Variants in FRRS1 observed in about 807,000 individuals in gnomAD.
FRRS1 encodes ferric chelate reductase 1, also known as ferric reductase 1.
In FRRS1, 51 loss-of-function variants were observed where a neutral mutation model predicts 70.7. The observed-to-expected ratio is 0.72, with a 90% CI of 0.58 to 0.91. The LOEUF (loss-of-function observed/expected upper bound fraction) is 0.91, where lower values mean the gene tolerates loss of function less well. Ranked by LOEUF, FRRS1 falls within the 40% of genes least tolerant of loss-of-function variation. The probability of loss-of-function intolerance (pLI) is 0.00; values close to 1 mark genes in which losing one functional copy is unlikely to be tolerated. For missense variants in FRRS1, 672 were observed against 726.0 expected (o/e 0.93, Z 0.86); for synonymous variants, 225 against 238.7 (o/e 0.94, Z 0.53).
chr1:99,741,485 C>T (rs189856827), intron 5 of FRRS1, among the ~76,000 whole-genome samples: 59 of 152,280 alleles, frequency 3.9e-4, no homozygotes, highest in African/African-American at 1.4e-3. Context: ...GCAATCCTTC[C>T]CTTAAAATAT....
intron 1 of FRRS1, among the ~76,000 whole-genome samples, chr1:99,758,627 A>G (rs2101001221): frequency 6.6e-6 from 1 of 152,174 alleles, no homozygotes; most frequent in East Asian, 1.9e-4. Flanking sequence ...TTTGAACAGT[A>G]TGAAATCAGT....
intron 3 of FRRS1, chr1:99,748,038 A>G (rs1186503876): frequency 6.5e-6 from 1 of 152,866 alleles, no homozygotes; most frequent in African/African-American, 2.4e-5. Flanking sequence ...GATATTTAAT[A>G]TCCTACTGTA....
At chr1:99,736,522 A>G (rs377638371) in intron 7 of FRRS1, among the ~76,000 whole-genome samples, 172 of 151,640 alleles carry the variant, frequency 1.1e-3, no homozygotes, top group African/African-American at 4.1e-3. Context: ...CGCAAGGACA[A>G]AAAACCAAAC....
At chr1:99,765,001 C>T (rs1372829342) in intron 1 of FRRS1, among the ~76,000 whole-genome samples, 1 of 152,192 alleles carries the variant, frequency 6.6e-6, no homozygotes, top group East Asian at 1.9e-4. Flanking sequence ...GTAAAGGTGT[C>T]CTACACATTG....
chr1:99,736,110 A>G (rs1343308456), intron 7 of FRRS1, among the ~76,000 whole-genome samples: 1 of 152,132 alleles, frequency 6.6e-6, no homozygotes, highest in Non-Finnish European at 1.5e-5. Context: ...CACTACCACC[A>G]CCTATCATTA....
rs1335081955 is a variant in FRRS1 at position 99,706,035 on chromosome 1, T to G, written c.*2993A>C. 6.6e-6 allele frequency among the ~76,000 whole-genome samples: 1 copy of G among 152,188 alleles called. No individual in the cohort carries two copies. The highest frequency in any genetic ancestry group is 1.5e-5 in the Non-Finnish European group (1 of 68,026). Reference sequence around the variant, plus strand: ...GAGTGAAGACTAGGCATTTGCAATTTGTGGATACCAACCACCCATAAGCAG... The same window carrying G: ...GAGTGAAGACTAGGCATTTGCAATTGGTGGATACCAACCACCCATAAGCAG... On this transcript the variant is annotated 3_prime_UTR_variant, in exon 17 of 17. Transcript: ENST00000646001.
chr1:99,730,646 T>A (rs901937248), intron 7 of FRRS1, among the ~76,000 whole-genome samples: 58 of 152,194 alleles, frequency 3.8e-4, no homozygotes, highest in African/African-American at 1.4e-3. Flanking sequence ...GGCGGGCAGA[T>A]CACGAGGTCA....
intron 11 of FRRS1, among the ~76,000 whole-genome samples, chr1:99,716,522 G>A (rs1489890415): frequency 3.3e-5 from 5 of 152,190 alleles, no homozygotes; most frequent in African/African-American, 1.2e-4. Flanking sequence ...CACAGGCAGA[G>A]AAAGAAAGGA....
chr1:99,724,893 T>G (rs1275246549), intron 9 of FRRS1, among the ~76,000 whole-genome samples: 1 of 151,956 alleles, frequency 6.6e-6, no homozygotes, highest in Non-Finnish European at 1.5e-5. Flanking sequence ...CTATTACACC[T>G]AATACATATT....
At position 99,758,610 on chromosome 1, in the gene FRRS1, A is replaced by G. The variant is rs1039499484; in HGVS notation, c.-106+7997T>C. On this transcript the variant is annotated intron_variant, in intron 1 of 16. Transcript: ENST00000646001. ...TAACTGTACAAATTGACTGTAAAACATGTGTGTTTGAACAGTATGAAATCA... is the reference window on the plus strand; with the variant it reads ...TAACTGTACAAATTGACTGTAAAACGTGTGTGTTTGAACAGTATGAAATCA... Among the ~76,000 whole-genome samples, 89 of 47,052 alleles carry G rather than the reference A, an allele frequency of 1.9e-3. No individual in the cohort carries two copies. In the African/African-American group the frequency reaches 0.068, roughly 36 times the overall value. The allele number at this position is 47,052 out of a possible 152,430, so 30.9% of individuals were successfully genotyped here. A position where few individuals can be genotyped will look rare whatever the true frequency, so the allele number is the denominator to read the frequency against.
chr1:99,728,754 C>T, intron 8 of FRRS1, 114 bp from the exon 9 acceptor site: 1 of 723,684 alleles, frequency 1.4e-6, no homozygotes, highest in Non-Finnish European at 2.2e-6. Flanking sequence ...TATGTCCATG[C>T]TTTGTCTGCA....
intron 4 of FRRS1, among the ~76,000 whole-genome samples, chr1:99,742,808 T>C (rs11166320): frequency 0.49 from 75,209 of 152,058 alleles, 22,623 homozygotes; most frequent in African/African-American, 0.85. Context: ...TGTGTGGCTC[T>C]CTCTGCTATG....
At chr1:99,752,013 C>G (rs1008871519) in intron 1 of FRRS1, among the ~76,000 whole-genome samples, 2 of 152,168 alleles carry the variant, frequency 1.3e-5, no homozygotes, top group Non-Finnish European at 2.9e-5. Flanking sequence ...AGGGACCTCT[C>G]TCTTAGGGAC....
intron 1 of FRRS1, among the ~76,000 whole-genome samples, chr1:99,759,279 T>C (rs1416504671): frequency 6.6e-6 from 1 of 152,208 alleles, no homozygotes; most frequent in Admixed American, 6.5e-5. Flanking sequence ...CCTACAGATA[T>C]GTGATGTCAC....
rs190951725 is a variant in FRRS1 at position 99,731,935 on chromosome 1, A to C, written c.760-2187T>G. 2.6e-5 allele frequency among the ~76,000 whole-genome samples: 4 copies of C among 152,302 alleles called. 1 individual carries two copies. The highest frequency in any genetic ancestry group is 2.6e-4 in the Admixed American group (4 of 15,300). On this transcript the variant is annotated intron_variant, in intron 7 of 16. Transcript: ENST00000646001. ...CCTGCCTCAGCCACCCAAAGTGATG[A>C]GACTACAGGTGTAAGCCACCATGCT... is the stretch of plus-strand genomic sequence containing the variant.
intron 12 of FRRS1, among the ~76,000 whole-genome samples, chr1:99,713,943 G>A (rs572877828): frequency 6.6e-6 from 1 of 152,206 alleles, no homozygotes; most frequent in Non-Finnish European, 1.5e-5. Context: ...GCGTGTGCCA[G>A]GCAGAAAGAA....
At chr1:99,713,898 A>G (rs1571094108) in intron 12 of FRRS1, among the ~76,000 whole-genome samples, 1 of 152,168 alleles carries the variant, frequency 6.6e-6, no homozygotes, top group East Asian at 1.9e-4. Context: ...CTTCTATTTG[A>G]GCAAAAACTT....
intron 1 of FRRS1, among the ~76,000 whole-genome samples, chr1:99,755,014 A>G (rs1480982003): frequency 6.6e-6 from 1 of 152,114 alleles, no homozygotes; most frequent in Admixed American, 6.6e-5. Context: ...AAATGAACCA[A>G]CCAAGAGCTT....
chr1:99,751,503 C>T (rs1030238293), intron 1 of FRRS1, among the ~76,000 whole-genome samples: 2 of 151,530 alleles, frequency 1.3e-5, no homozygotes, highest in African/African-American at 4.8e-5. Flanking sequence ...TTTTTAAATC[C>T]TGAAAGAAGC....
Sources: gnomAD v4.1 joint callset for allele counts (sites outside exome capture counted in the v4.1 genomes callset) on GRCh38, gnomAD v4.1.1 for gene constraint, MANE v1.5 for transcripts, NCBI Gene and HGNC (gene_info 2026-07-23, HGNC 2026-07-21) for gene names.